Variants in COP1 observed in about 807,000 individuals in gnomAD.
The protein encoded by COP1 is E3 ubiquitin-protein ligase COP1.
Under a neutral mutation model 101.3 loss-of-function variants are expected in COP1, and 24 were observed. That is an observed-to-expected ratio of 0.24 (90% CI 0.17 to 0.33). COP1 has a LOEUF of 0.33. COP1 is among the 10% of genes least tolerant of loss of function. The pLI, the probability that COP1 is intolerant of heterozygous loss-of-function variation, is 1.00. For synonymous variants in COP1, 347 were observed against 341.9 expected, an observed-to-expected ratio of 1.01 and a Z score of -0.17; for missense variants, 663 against 906.2, an observed-to-expected ratio of 0.73 and a Z score of 3.45.
intron 6 of COP1, among the ~76,000 whole-genome samples, chr1:176,144,494 C>T (rs1691262001): frequency 6.6e-6 from 1 of 152,062 alleles, no homozygotes; most frequent in South Asian, 2.1e-4. Flanking sequence ...ACTGTAAATA[C>T]ACAGTCTCCC....
intron 14 of COP1, among the ~76,000 whole-genome samples, chr1:176,039,798 C>A (rs185485684): frequency 3.0e-4 from 46 of 151,992 alleles, no homozygotes; most frequent in Admixed American, 4.6e-4. Context: ...GGGTGCCAGA[C>A]CATTCAATAG....
At chr1:176,094,047 T>G (rs1259044548) in intron 9 of COP1, among the ~76,000 whole-genome samples, 1 of 146,428 alleles carries the variant, frequency 6.8e-6, no homozygotes, top group Non-Finnish European at 1.5e-5. Flanking sequence ...AAAAAAAAAG[T>G]GATCTGTTTA....
At chr1:176,191,172 G>GA (rs1456137815) in intron 1 of COP1, among the ~76,000 whole-genome samples, 1 of 151,814 alleles carries the variant, frequency 6.6e-6, no homozygotes, top group African/African-American at 2.4e-5. Flanking sequence ...ATTTATACAT[G>GA]AAAAAACAGA....
At chr1:176,101,369 C>A (rs1683377557) in intron 9 of COP1, among the ~76,000 whole-genome samples, 1 of 152,166 alleles carries the variant, frequency 6.6e-6, no homozygotes, top group Admixed American at 6.5e-5. Flanking sequence ...ACTCTGTAAC[C>A]CTTTTGAATG....
At chr1:176,194,697 C>A (rs890052209) in intron 1 of COP1, among the ~76,000 whole-genome samples, 2 of 151,924 alleles carry the variant, frequency 1.3e-5, no homozygotes, top group African/African-American at 4.8e-5. Context: ...CTGAACTATA[C>A]TCTGGGTACA....
intron 5 of COP1, among the ~76,000 whole-genome samples, chr1:176,151,521 G>A (rs1375083625): frequency 1.3e-5 from 2 of 152,204 alleles, no homozygotes; most frequent in Middle Eastern, 3.4e-3. Flanking sequence ...AAGAGGGAGC[G>A]TATCTGCTAT....
intron 8 of COP1, among the ~76,000 whole-genome samples, chr1:176,121,948 G>A (rs1204188791): frequency 6.6e-6 from 1 of 151,960 alleles, no homozygotes; most frequent in Admixed American, 6.6e-5. Context: ...AGACCATCCT[G>A]GCTAACACAG....
intron 15 of COP1, among the ~76,000 whole-genome samples, chr1:175,994,561 A>C (rs11590021): frequency 0.034 from 5,107 of 152,306 alleles, 117 homozygotes; most frequent in Non-Finnish European, 0.047. Flanking sequence ...TCTACCAAGC[A>C]AATGGAAAAC....
intron 11 of COP1, among the ~76,000 whole-genome samples, chr1:176,072,196 A>G (rs1216649234): frequency 6.6e-6 from 1 of 152,218 alleles, no homozygotes; most frequent in Non-Finnish European, 1.5e-5. Flanking sequence ...CTTCTTTTAT[A>G]GCCTAAGGAT....
At chr1:176,124,328 CCT>C (rs1181752945) in intron 8 of COP1, among the ~76,000 whole-genome samples, 4 of 151,750 alleles carry the variant, frequency 2.6e-5, no homozygotes, top group Non-Finnish European at 4.4e-5. Flanking sequence ...CTATAGTCAC[CCT>C]GTTATGCTAT....
At chr1:176,108,144 T>G (rs1684650966) in intron 9 of COP1, among the ~76,000 whole-genome samples, 1 of 152,152 alleles carries the variant, frequency 6.6e-6, no homozygotes, top group Admixed American at 6.5e-5. Flanking sequence ...ATTTTTTAAT[T>G]TTGCTAATTG....
chr1:176,147,406 TTTC>T (rs1278523690), intron 6 of COP1, among the ~76,000 whole-genome samples: 3 of 152,306 alleles, frequency 2.0e-5, no homozygotes, highest in East Asian at 1.9e-4. Context: ...CTCCTCAGAA[TTTC>T]TTGTGTAATT....
At chr1:176,055,090 A>G (rs985702201) in intron 11 of COP1, among the ~76,000 whole-genome samples, 4 of 151,990 alleles carry the variant, frequency 2.6e-5, no homozygotes, top group Non-Finnish European at 5.9e-5. Context: ...CTTACTGACA[A>G]CTCCATCACA....
intron 12 of COP1, 65 bp downstream of exon 12, chr1:176,046,116 A>G (rs1671482356): frequency 7.6e-7 from 1 of 1,307,756 alleles, no homozygotes; most frequent in Admixed American, 2.3e-5. Flanking sequence ...AAATAATCTC[A>G]TGATAATTAC....
intron 1 of COP1, among the ~76,000 whole-genome samples, chr1:176,204,728 T>C (rs1700647040): frequency 6.6e-6 from 1 of 152,052 alleles, no homozygotes; most frequent in Non-Finnish European, 1.5e-5. Context: ...GTTCAAGACC[T>C]GCCTGGCCAA....
At chr1:175,976,727 CTTAAA>C (rs1212733918) in intron 18 of COP1, among the ~76,000 whole-genome samples, 2 of 152,122 alleles carry the variant, frequency 1.3e-5, no homozygotes, top group East Asian at 1.9e-4. Flanking sequence ...AGTTGTGAAA[CTTAAA>C]TTATTCTTGG....
intron 9 of COP1, among the ~76,000 whole-genome samples, chr1:176,113,941 TA>T (rs1016149492): frequency 4.2e-4 from 25 of 58,906 alleles, no homozygotes; most frequent in African/African-American, 9.9e-4. Context: ...TTGGTCAGGG[TA>T]GGGTTTTTTT....
chr1:176,206,747 C>CGCG lies in COP1; in HGVS notation c.231_232insCGC (p.Ser77_Gly78insArg), dbSNP rs888683066. On this transcript the variant is annotated inframe_insertion, in exon 1 of 20. Transcript: ENST00000367669. Reference sequence around the variant, plus strand: ...AGGCCCGTGGACACCGCCCCGCCGCCGCTACCCGATACGGCGGGCGCCACC... The same window carrying CGCG: ...AGGCCCGTGGACACCGCCCCGCCGCCGCGGCTACCCGATACGGCGGGCGCCACC... 21 of 1,540,152 alleles carry CGCG rather than the reference C, an allele frequency of 1.4e-5. No homozygotes were observed. Among genetic ancestry groups the CGCG allele is most frequent in the Non-Finnish European group, 1.7e-5 (20 of 1,151,560 alleles).
intron 9 of COP1, among the ~76,000 whole-genome samples, chr1:176,101,198 G>A (rs1293515857): frequency 6.6e-6 from 1 of 152,074 alleles, no homozygotes; most frequent in African/African-American, 2.4e-5. Flanking sequence ...CCCATGGGTG[G>A]CACCCTATCG....
Sources: gnomAD v4.1 joint callset for allele counts (sites outside exome capture counted in the v4.1 genomes callset) on GRCh38, gnomAD v4.1.1 for gene constraint, MANE v1.5 for transcripts, NCBI Gene and HGNC (gene_info 2026-07-23, HGNC 2026-07-21) for gene names.